Variants in CNTN4 observed in about 807,000 individuals in gnomAD.
CNTN4 encodes contactin 4, also known as contactin-4.
In CNTN4, 77 loss-of-function variants were observed where a neutral mutation model predicts 122.5. The observed-to-expected ratio is 0.63, with a 90% CI of 0.52 to 0.76. The LOEUF (loss-of-function observed/expected upper bound fraction) is 0.76, where lower values mean the gene tolerates loss of function less well. Among genes scored for constraint, CNTN4 ranks in the 30% least tolerant of loss-of-function variants. The pLI is 0.00. For missense variants in CNTN4, 1,256 were observed against 1,259.1 expected (o/e 1.00, Z 0.04); for synonymous variants, 512 against 447.0 (o/e 1.15, Z -1.83).
chr3:3,052,720 G>A lies in CNTN4; in HGVS notation c.2812-1087G>A, dbSNP rs78973360. Among the ~76,000 whole-genome samples the A allele has an allele frequency of 2.6e-4, 39 of 152,292 alleles. No homozygotes were observed. In the East Asian group the frequency reaches 5.8e-3, roughly 23 times the overall value. On this transcript the variant is annotated intron_variant, in intron 23 of 24. Coordinates refer to ENST00000418658, the MANE Select transcript of CNTN4 (RefSeq NM_175607.3). ...CCTCCAAACTCAGAACCCATGGGGG[G>A]CCCAAGATGAAAACAGGACTGTTGC...
chr3:2,358,390 A>C (rs1359258126), intron 3 of CNTN4, among the ~76,000 whole-genome samples: 1 of 152,076 alleles, frequency 6.6e-6, no homozygotes, highest in Non-Finnish European at 1.5e-5. Context: ...CTCAGCAAAT[A>C]TTCTTTTCTT....
At chr3:2,358,376 A>G (rs2044966575) in intron 3 of CNTN4, among the ~76,000 whole-genome samples, 1 of 152,084 alleles carries the variant, frequency 6.6e-6, no homozygotes, top group Non-Finnish European at 1.5e-5. Flanking sequence ...TGGCATAGGA[A>G]GCACTCAGCA....
intron 2 of CNTN4, among the ~76,000 whole-genome samples, chr3:2,166,081 C>T (rs1054271128): frequency 3.3e-5 from 5 of 152,034 alleles, no homozygotes; most frequent in South Asian, 2.1e-4. Flanking sequence ...AGTGGAATTG[C>T]TGGGTCATAT....
chr3:2,590,543 T>C (rs1177065790), intron 4 of CNTN4, among the ~76,000 whole-genome samples: 2 of 151,886 alleles, frequency 1.3e-5, no homozygotes, highest in East Asian at 1.9e-4. Context: ...CTGTTACACA[T>C]AGGATAAAAT....
At chr3:2,954,380 A>G (rs1248103735) in intron 13 of CNTN4, among the ~76,000 whole-genome samples, 2 of 152,234 alleles carry the variant, frequency 1.3e-5, no homozygotes, top group Admixed American at 6.5e-5. Context: ...CTACCGATGG[A>G]CAGTATGTCT....
At chr3:2,876,853 C>G (rs1200877959) in intron 8 of CNTN4, among the ~76,000 whole-genome samples, 1 of 152,174 alleles carries the variant, frequency 6.6e-6, no homozygotes, top group East Asian at 1.9e-4. Context: ...CTCCCAATGA[C>G]TAGCCCTTAA....
chr3:2,227,288 AT>A (rs1221478291), intron 2 of CNTN4, among the ~76,000 whole-genome samples: 4 of 152,192 alleles, frequency 2.6e-5, no homozygotes, highest in Non-Finnish European at 4.4e-5. Context: ...ATGATAAAAT[AT>A]GGATAGATTA....
intron 3 of CNTN4, among the ~76,000 whole-genome samples, chr3:2,536,358 A>C (rs2077805175): frequency 6.6e-6 from 1 of 152,134 alleles, no homozygotes; most frequent in South Asian, 2.1e-4. Context: ...TGAAATCATC[A>C]TTGTATCTCC....
chr3:2,121,771 A>G (rs903706932), intron 2 of CNTN4, among the ~76,000 whole-genome samples: 1 of 152,204 alleles, frequency 6.6e-6, no homozygotes, highest in South Asian at 2.1e-4. Context: ...CTTCTGCTCA[A>G]GAAGTAGGGT....
chr3:2,283,958 G>T (rs2041815509), intron 2 of CNTN4, among the ~76,000 whole-genome samples: 1 of 151,944 alleles, frequency 6.6e-6, no homozygotes, highest in African/African-American at 2.4e-5. Flanking sequence ...CTGCCCCTTT[G>T]CCTGGCCTGA....
At chr3:2,189,998 C>G (rs955432880) in intron 2 of CNTN4, among the ~76,000 whole-genome samples, 1 of 152,116 alleles carries the variant, frequency 6.6e-6, no homozygotes, top group African/African-American at 2.4e-5. Context: ...TGATGATGAA[C>G]AAGTGCTGTG....
intron 14 of CNTN4, among the ~76,000 whole-genome samples, chr3:3,020,005 T>G (rs1698149801): frequency 6.6e-6 from 1 of 152,056 alleles, no homozygotes; most frequent in Non-Finnish European, 1.5e-5. Flanking sequence ...AAGTACAAAA[T>G]GTGGCCTTAT....
intron 6 of CNTN4, among the ~76,000 whole-genome samples, chr3:2,749,824 A>G (rs2090002078): frequency 6.6e-6 from 1 of 152,194 alleles, no homozygotes; most frequent in Non-Finnish European, 1.5e-5. Flanking sequence ...GACATTGCCT[A>G]TATTCAGAAT....
chr3:2,584,217 A>T (rs2080075223), intron 4 of CNTN4, among the ~76,000 whole-genome samples: 1 of 152,106 alleles, frequency 6.6e-6, no homozygotes, highest in Non-Finnish European at 1.5e-5. Context: ...ACTTCCATCT[A>T]CTTTACCTTC....
chr3:2,816,099 A>C (rs2092721019), intron 6 of CNTN4, among the ~76,000 whole-genome samples: 1 of 152,130 alleles, frequency 6.6e-6, no homozygotes, highest in Admixed American at 6.5e-5. Context: ...TCACACCTGT[A>C]ATCCCGGCAC....
At chr3:2,678,631 G>T (rs1365324484) in intron 4 of CNTN4, among the ~76,000 whole-genome samples, 1 of 152,138 alleles carries the variant, frequency 6.6e-6, no homozygotes, top group East Asian at 1.9e-4. Flanking sequence ...TATTTCCTAT[G>T]CTGTATCTTC....
intron 2 of CNTN4, among the ~76,000 whole-genome samples, chr3:2,197,133 T>C (rs899140773): frequency 9.2e-5 from 14 of 152,072 alleles, no homozygotes; most frequent in African/African-American, 3.4e-4. Flanking sequence ...GAAACTTTCT[T>C]GAAGTTATAG....
rs200854515 is a variant in CNTN4 at position 2,287,702 on chromosome 3, A to G, written c.-144-51476A>G. ...AAGAAGAAGAAGAAGAGGAAGAAGAAGAAGAAGAGGAAGAAGAAGAAGAAG... is the reference window on the plus strand; with the variant it reads ...AAGAAGAAGAAGAAGAGGAAGAAGAGGAAGAAGAGGAAGAAGAAGAAGAAG... On this transcript the variant is annotated intron_variant, in intron 2 of 24. Transcript: ENST00000418658. Among the ~76,000 whole-genome samples the G allele has an allele frequency of 7.8e-4, 48 of 61,498 alleles. 2 individuals are homozygous for G. The highest frequency in any genetic ancestry group is 7.2e-3 in the Middle Eastern group (1 of 138). 40.3% of individuals were successfully genotyped at this position (61,498 alleles called of 152,430 possible). A position where few individuals can be genotyped will look rare whatever the true frequency, so the allele number is the denominator to read the frequency against.
intron 3 of CNTN4, among the ~76,000 whole-genome samples, chr3:2,546,934 G>C (rs1317465000): frequency 6.6e-6 from 1 of 152,090 alleles, no homozygotes; most frequent in South Asian, 2.1e-4. Context: ...AAAATCATTA[G>C]GTATGATGAT....
Sources: gnomAD v4.1 joint callset for allele counts (sites outside exome capture counted in the v4.1 genomes callset) on GRCh38, gnomAD v4.1.1 for gene constraint, MANE v1.5 for transcripts, NCBI Gene and HGNC (gene_info 2026-07-23, HGNC 2026-07-21) for gene names.